Variants in SPDYE4 observed in about 807,000 individuals in gnomAD.
The protein encoded by SPDYE4 is speedy/RINGO cell cycle regulator family member E4.
A neutral mutation model predicts 37.5 loss-of-function variants in SPDYE4; 30 were observed. The observed-to-expected ratio is 0.80, with a 90% CI of 0.60 to 1.09. The LOEUF (loss-of-function observed/expected upper bound fraction) is 1.09. Among genes scored for constraint, SPDYE4 ranks in the 50% least tolerant of loss-of-function variants. The probability of loss-of-function intolerance (pLI) is 0.00; values close to 1 mark genes in which losing one functional copy is unlikely to be tolerated. For missense variants in SPDYE4, 300 were observed against 307.9 expected, an observed-to-expected ratio of 0.97 and a Z score of 0.19; for synonymous variants, 131 against 120.3, an observed-to-expected ratio of 1.09 and a Z score of -0.58.
intron 3 of SPDYE4, 99 bp from the exon 4 acceptor site, chr17:8,755,704 T>A: frequency 7.0e-7 from 1 of 1,426,346 alleles, no homozygotes; most frequent in South Asian, 1.2e-5. Context: ...CGCGGTTGTC[T>A]ATCACAGAAG....
chr17:8,758,359 G>A lies in SPDYE4; in HGVS notation c.24C>T (p.Pro8=). Residue 8 remains proline (P), a synonymous_variant, in exon 1 of 7, where the codon CCC becomes CCT. Transcript: ENST00000689094. Reference sequence around the variant, plus strand: ...GCTGGGGGCTCTCCTCCTCAAACGGGGGGCGCGCTTGACCACTGGCCATAA... The same window carrying A: ...GCTGGGGGCTCTCCTCCTCAAACGGAGGGCGCGCTTGACCACTGGCCATAA... The part of the protein sequence containing the change: MASGQAR[P]PFEEESPQPS... The A allele has an allele frequency of 1.3e-6, 2 of 1,551,210 alleles. No individual in the cohort carries two copies. Among genetic ancestry groups the A allele is most frequent in the East Asian group, 2.4e-5 (1 of 40,860 alleles).
intron 2 of SPDYE4, 110 bp downstream of exon 2, chr17:8,757,152 G>T: frequency 1.0e-6 from 1 of 974,938 alleles, no homozygotes; most frequent in Non-Finnish European, 1.5e-6. Context: ...TGCATGGAGC[G>T]CTCATCCCCC....
downstream of SPDYE4, among the ~76,000 whole-genome samples, chr17:8,749,097 A>ATT (rs535722696): frequency 0.049 from 7,291 of 147,394 alleles, 566 homozygotes; most frequent in African/African-American, 0.17. Flanking sequence ...AATGTTTTGA[A>ATT]TTTTTTTTTT....
chr17:8,757,353 C>T lies in SPDYE4; in HGVS notation c.249G>A (p.Val83=), dbSNP rs1405244929. The T allele has an allele frequency of 6.2e-7, 1 of 1,600,282 alleles. No homozygotes were observed. ...RAPEPEDTWV[V]ETLCGLKMKL... Reference sequence around the variant, plus strand: ...TCATCTTGAGCCCACACAGCGTCTCCACCACCCAGGTGTCCTCGGGCTCAG... The same window carrying T: ...TCATCTTGAGCCCACACAGCGTCTCTACCACCCAGGTGTCCTCGGGCTCAG... Residue 83 remains valine, a synonymous_variant, in exon 2 of 7, where the codon GTG becomes GTA. Transcript: ENST00000689094.
chr17:8,758,187 C>A, intron 1 of SPDYE4, 87 bp downstream of exon 1: 1 of 1,153,152 alleles, frequency 8.7e-7, no homozygotes, highest in Non-Finnish European at 1.2e-6. Context: ...ACACACCCTA[C>A]TCAGGTGCTT....
downstream of SPDYE4, among the ~76,000 whole-genome samples, chr17:8,750,382 C>G (rs1328484340): frequency 6.6e-6 from 1 of 151,330 alleles, no homozygotes. Context: ...GGACAAGATC[C>G]TTGTCTCAAA....
In SPDYE4 at chr17:8,751,107, A is replaced by G. The variant is rs974245759; in HGVS notation, c.*1175T>C. On this transcript the variant is annotated 3_prime_UTR_variant, in exon 7 of 7. Transcript: ENST00000689094. ...CCACCTAGCTATAAATAGAATAGATATATTATGTAACTACTCTAGGTCATA... is the reference window on the plus strand; with the variant it reads ...CCACCTAGCTATAAATAGAATAGATGTATTATGTAACTACTCTAGGTCATA... Among the ~76,000 whole-genome samples, 6 of 152,266 alleles carry G rather than the reference A, an allele frequency of 3.9e-5. No individual in the cohort carries two copies. The highest frequency in any genetic ancestry group is 2.6e-4 in the Admixed American group (4 of 15,294).
chr17:8,752,176 C>G lies in SPDYE4; in HGVS notation c.*106G>C, dbSNP rs1365500425. Among the ~76,000 whole-genome samples, 1 of 152,132 alleles carries G rather than the reference C, an allele frequency of 6.6e-6. No individual in the cohort carries two copies. The highest frequency in any genetic ancestry group is 1.9e-4 in the East Asian group (1 of 5,192). ...AGGCTCCTCTCTCCCTTCCTGGTGT[C>G]TGGCATTAGCGTCGCGATAAACTTC... On this transcript the variant is annotated 3_prime_UTR_variant, in exon 7 of 7. Transcript: ENST00000689094.
chr17:8,758,162 C>A lies in SPDYE4; in HGVS notation c.109+112G>T, dbSNP rs377425146. 54 of 888,720 alleles carry A rather than the reference C, an allele frequency of 6.1e-5. No individual in the cohort carries two copies. The African/African-American group carries it at 8.4e-4, about 14-fold the overall frequency. 55.1% of individuals were successfully genotyped at this position (888,720 alleles called of 1,614,324 possible). On this transcript the variant is annotated intron_variant, in intron 1 of 6. Transcript: ENST00000689094. ...TCCCCGATCCCTGGCTTCCTGAGTC[C>A]GTCGTTTCTTTCCCACACACCCTAC...
rs986739149 is a variant in SPDYE4 at position 8,751,072 on chromosome 17, C to T, written c.*1210G>A. 1.3e-5 allele frequency among the ~76,000 whole-genome samples: 2 copies of T among 152,078 alleles called. No individual in the cohort carries two copies. Among genetic ancestry groups the T allele is most frequent in the African/African-American group, 4.8e-5 (2 of 41,414 alleles). ...TAAAAATTTATTTTTACAAGAATTT[C>T]GGGGAAATGCCACCTAGCTATAAAT... is the stretch of plus-strand genomic sequence containing the variant. On this transcript the variant is annotated 3_prime_UTR_variant, in exon 7 of 7. Transcript: ENST00000689094.
chr17:8,756,319 C>T (rs2086771842), intron 3 of SPDYE4, 59 bp downstream of exon 3: 2 of 1,542,084 alleles, frequency 1.3e-6, no homozygotes, highest in Non-Finnish European at 1.8e-6. Context: ...TTAGACGCTG[C>T]ACCCTTCCCC....
chr17:8,750,500 G>A (rs553581470), downstream of SPDYE4, among the ~76,000 whole-genome samples: 1 of 152,328 alleles, frequency 6.6e-6, no homozygotes, highest in Non-Finnish European at 1.5e-5. Context: ...CACGAGGTCG[G>A]GAGATCAAGA....
downstream of SPDYE4, among the ~76,000 whole-genome samples, chr17:8,748,245 C>T (rs563237151): frequency 8.7e-4 from 133 of 152,312 alleles, no homozygotes; most frequent in Non-Finnish European, 1.7e-3. Context: ...AGGGTGGTAC[C>T]CTCATGATAG....
rs1310578668 is a variant in SPDYE4, at chr17:8,752,074, C to T, written c.*208G>A. Among the ~76,000 whole-genome samples, 2 of 152,146 alleles carry T rather than the reference C, an allele frequency of 1.3e-5. No homozygotes were observed. Among genetic ancestry groups the T allele is most frequent in the Admixed American group, 1.3e-4 (2 of 15,288 alleles). On this transcript the variant is annotated 3_prime_UTR_variant, in exon 7 of 7. Coordinates refer to ENST00000689094, the MANE Select transcript of SPDYE4 (RefSeq NM_001394956.1). Reference sequence around the variant, plus strand: ...CTGACTCCTAGAAATACCTCCATGGCTCCTAGGAGGAAAACCTGGTCAATC... The same window carrying T: ...CTGACTCCTAGAAATACCTCCATGGTTCCTAGGAGGAAAACCTGGTCAATC...
downstream of SPDYE4, among the ~76,000 whole-genome samples, chr17:8,748,506 T>C (rs1360321630): frequency 6.6e-6 from 1 of 152,242 alleles, no homozygotes. Context: ...ACCTTGATCT[T>C]GGACTTCTCA....
downstream of SPDYE4, among the ~76,000 whole-genome samples, chr17:8,749,359 G>T (rs914237492): frequency 6.6e-6 from 1 of 152,044 alleles, no homozygotes. Context: ...TACCTCCCAG[G>T]TTCAAGTGAT....
At chr17:8,753,554 C>T (rs1393930410) in intron 4 of SPDYE4, 65 bp from the exon 5 acceptor site, 10 of 1,580,006 alleles carry the variant, frequency 6.3e-6, no homozygotes, top group Admixed American at 1.8e-5. Context: ...CTGAGGGCAG[C>T]CTCTCAGAGA....
In SPDYE4 at chr17:8,751,101, A is replaced by G. The variant is rs536053668; in HGVS notation, c.*1181T>C. ...GAAATGCCACCTAGCTATAAATAGA[A>G]TAGATATATTATGTAACTACTCTAG... On this transcript the variant is annotated 3_prime_UTR_variant, in exon 7 of 7. Transcript: ENST00000689094. Among the ~76,000 whole-genome samples, 5 of 152,366 alleles carry G rather than the reference A, an allele frequency of 3.3e-5. No homozygotes were observed. The highest frequency in any genetic ancestry group is 2.1e-4 in the South Asian group (1 of 4,826).
chr17:8,748,387 C>T (rs2086704611), downstream of SPDYE4, among the ~76,000 whole-genome samples: 1 of 152,238 alleles, frequency 6.6e-6, no homozygotes, highest in Non-Finnish European at 1.5e-5. Flanking sequence ...CTTCTCCTGG[C>T]ACCTTGATCT....
Sources: gnomAD v4.1 joint callset for allele counts (sites outside exome capture counted in the v4.1 genomes callset) on GRCh38, gnomAD v4.1.1 for gene constraint, MANE v1.5 for transcripts, NCBI Gene and HGNC (gene_info 2026-07-23, HGNC 2026-07-21) for gene names.